The following CRISPLD2 variants were observed in gnomAD, a reference collection of about 807,000 sequenced individuals.
CRISPLD2 encodes cysteine-rich secretory protein LCCL domain-containing 2.
Under a neutral mutation model 71.1 loss-of-function variants are expected in CRISPLD2, and 47 were observed. The ratio of observed to expected loss-of-function variants is 0.66; its 90% CI spans 0.52 to 0.84. CRISPLD2 has a LOEUF of 0.84. Among genes scored for constraint, CRISPLD2 ranks in the 40% least tolerant of loss-of-function variants. The pLI is 0.00. For synonymous variants in CRISPLD2, 317 were observed against 250.1 expected (o/e 1.27, Z -2.52); for missense variants, 830 against 651.1 (o/e 1.27, Z -2.99).
chr16:84,900,917 G>C (rs1255682778), intron 14 of CRISPLD2, among the ~76,000 whole-genome samples: 1 of 151,838 alleles, frequency 6.6e-6, no homozygotes, highest in Non-Finnish European at 1.5e-5. Flanking sequence ...AGGCATGGTG[G>C]TATGCACCCG....
intron 6 of CRISPLD2, among the ~76,000 whole-genome samples, chr16:84,865,111 G>C (rs981292938): frequency 3.3e-5 from 5 of 152,042 alleles, no homozygotes; most frequent in African/African-American, 1.2e-4. Context: ...ATTTTAAGAA[G>C]TGGAGCTAAG....
At chr16:84,870,692 A>T (rs2071460886) in intron 8 of CRISPLD2, among the ~76,000 whole-genome samples, 1 of 152,212 alleles carries the variant, frequency 6.6e-6, no homozygotes, top group Admixed American at 6.5e-5. Context: ...TGATACTCTG[A>T]CACACGACTG....
intron 14 of CRISPLD2, among the ~76,000 whole-genome samples, chr16:84,895,829 C>T (rs1266922163): frequency 6.6e-6 from 1 of 152,118 alleles, no homozygotes; most frequent in Non-Finnish European, 1.5e-5. Flanking sequence ...CCAGGTACCT[C>T]CCTGGAGAGG....
At chr16:84,871,396 G>A (rs1002596744) in intron 8 of CRISPLD2, among the ~76,000 whole-genome samples, 6 of 152,068 alleles carry the variant, frequency 3.9e-5, no homozygotes, top group Non-Finnish European at 8.8e-5. Flanking sequence ...AAAATTAGTT[G>A]GGTGTGGTTG....
chr16:84,886,910 G>T (rs534309701), intron 13 of CRISPLD2, among the ~76,000 whole-genome samples: 1 of 152,252 alleles, frequency 6.6e-6, no homozygotes, highest in Admixed American at 6.5e-5. Flanking sequence ...TAATGGGTTC[G>T]ACCTCCAGAA....
chr16:84,888,626 C>T (rs750981853), intron 13 of CRISPLD2, among the ~76,000 whole-genome samples: 9 of 152,232 alleles, frequency 5.9e-5, no homozygotes, highest in African/African-American at 9.6e-5. Context: ...CCTCCTGCCA[C>T]GCTCTGCCTG....
At chr16:84,882,971 A>G (rs2143324435) in intron 13 of CRISPLD2, among the ~76,000 whole-genome samples, 1 of 152,298 alleles carries the variant, frequency 6.6e-6, no homozygotes, top group South Asian at 2.1e-4. Flanking sequence ...GTGAGGGGAA[A>G]AAGCTATGTG....
At chr16:84,854,465 C>T (rs548641378) in intron 5 of CRISPLD2, among the ~76,000 whole-genome samples, 4 of 152,256 alleles carry the variant, frequency 2.6e-5, no homozygotes, top group Non-Finnish European at 5.9e-5. Context: ...ACGGGGCTGA[C>T]AGCCAGCCAG....
At position 84,907,852 on chromosome 16, in the gene CRISPLD2, C is replaced by A. The variant is rs1442853790; in HGVS notation, c.*1210C>A. The A allele has an allele frequency of 1.3e-5, 2 of 152,184 alleles. No individual in the cohort carries two copies. The highest frequency in any genetic ancestry group is 4.8e-5 in the African/African-American group (2 of 41,444). The allele number at this position is 152,184 out of a possible 1,614,324, so 9.4% of individuals were successfully genotyped here. A position where few individuals can be genotyped will look rare whatever the true frequency, so the allele number is the denominator to read the frequency against. On this transcript the variant is annotated 3_prime_UTR_variant, in exon 15 of 15. Transcript: ENST00000262424. ...ACTCTTGCCAAACGTTCCCGAGGCG[C>A]CAAGGAGTGTAGTACACCCTGGCTG...
chr16:84,875,845 C>A (rs544805068), intron 11 of CRISPLD2, among the ~76,000 whole-genome samples: 5 of 151,516 alleles, frequency 3.3e-5, no homozygotes, highest in Admixed American at 6.6e-5. Flanking sequence ...GGATTACATG[C>A]GTGAGCCATT....
At chr16:84,869,932 G>A (rs1161691622) in intron 8 of CRISPLD2, among the ~76,000 whole-genome samples, 1 of 152,242 alleles carries the variant, frequency 6.6e-6, no homozygotes, top group African/African-American at 2.4e-5. Context: ...TCCAGAGTTG[G>A]GGTGGGTGGG....
intron 13 of CRISPLD2, among the ~76,000 whole-genome samples, chr16:84,881,521 G>C (rs1326451725): frequency 6.6e-6 from 1 of 152,210 alleles, no homozygotes; most frequent in Non-Finnish European, 1.5e-5. Context: ...GTGTGATCTT[G>C]TCAAGCTGTT....
intron 13 of CRISPLD2, among the ~76,000 whole-genome samples, chr16:84,887,704 G>GT (rs2071625233): frequency 6.6e-6 from 1 of 152,052 alleles, no homozygotes; most frequent in Admixed American, 6.5e-5. Flanking sequence ...TGGAGAAACC[G>GT]TGTCTCTACT....
In CRISPLD2 at chr16:84,832,980, C is replaced by T. The variant is rs535366444; in HGVS notation, c.-74-5442C>T. On this transcript the variant is annotated intron_variant, in intron 1 of 14. Transcript: ENST00000262424. ...AAGCCTCGGCCAGGGTAGAGGGGTG[C>T]GGTTGGAGAGCTCATAGTGCAAACA... Among the ~76,000 whole-genome samples the T allele has an allele frequency of 4.6e-5, 7 of 152,298 alleles. No individual in the cohort carries two copies. The East Asian group carries it at 7.7e-4, about 17-fold the overall frequency.
At chr16:84,906,503 AC>A in intron 14 of CRISPLD2, 84 bp from the exon 15 acceptor site, 1 of 1,435,526 alleles carries the variant, frequency 7.0e-7, no homozygotes. Context: ...AGCAGGAGGC[AC>A]CCAGGTCTCC....
chr16:84,890,863 T>C (rs2071655877), intron 14 of CRISPLD2, among the ~76,000 whole-genome samples: 2 of 152,046 alleles, frequency 1.3e-5, no homozygotes, highest in South Asian at 2.1e-4. Flanking sequence ...CTTTCCTGAG[T>C]GTCATTCAGA....
intron 6 of CRISPLD2, among the ~76,000 whole-genome samples, chr16:84,860,551 C>T (rs1170832934): frequency 6.6e-6 from 1 of 151,820 alleles, no homozygotes; most frequent in East Asian, 1.9e-4. Flanking sequence ...TCAGGCAGTG[C>T]AGGGTTTATC....
chr16:84,870,194 C>T (rs1459964709), intron 8 of CRISPLD2, among the ~76,000 whole-genome samples: 2 of 152,000 alleles, frequency 1.3e-5, no homozygotes, highest in African/African-American at 4.8e-5. Flanking sequence ...AAAGCAATAA[C>T]AACAACAAAA....
rs182788831 is a variant in CRISPLD2, at chr16:84,850,336, A to T, written c.493-232A>T. ...AAACTCCTGACCTCATGATCCGCCC[A>T]CCTCAGCCTCCCAAAATGCTGAGAT... On this transcript the variant is annotated intron_variant, in intron 4 of 14. Coordinates refer to ENST00000262424, the MANE Select transcript of CRISPLD2 (RefSeq NM_031476.4). Among the ~76,000 whole-genome samples, 1,197 of 152,026 alleles carry T rather than the reference A, an allele frequency of 7.9e-3. 17 individuals carry two copies. The highest frequency in any genetic ancestry group is 0.027 in the African/African-American group (1,118 of 41,450).
Sources: gnomAD v4.1 joint callset for allele counts (sites outside exome capture counted in the v4.1 genomes callset) on GRCh38, gnomAD v4.1.1 for gene constraint, MANE v1.5 for transcripts, NCBI Gene and HGNC (gene_info 2026-07-23, HGNC 2026-07-21) for gene names.